The following TTC28 variants were observed in gnomAD, a reference collection of about 807,000 sequenced individuals.
TTC28 encodes tetratricopeptide repeat protein 28.
A neutral mutation model predicts 198.0 loss-of-function variants in TTC28; 61 were observed. The observed-to-expected ratio is 0.31, with a 90% CI of 0.25 to 0.38. The LOEUF (loss-of-function observed/expected upper bound fraction) is 0.38. Ranked by LOEUF, TTC28 falls within the 10% of genes least tolerant of loss-of-function variation. The pLI is 1.00. For missense variants in TTC28, 2,678 were observed against 3,164.0 expected (o/e 0.85, Z 3.69); for synonymous variants, 1,171 against 1,297.8 (o/e 0.90, Z 2.10).
chr22:28,485,232 T>C (rs1172739424), intron 2 of TTC28, among the ~76,000 whole-genome samples: 1 of 152,164 alleles, frequency 6.6e-6, no homozygotes, highest in Non-Finnish European at 1.5e-5. Context: ...ATCCTTCCAC[T>C]GTTAAATCAG....
intron 2 of TTC28, among the ~76,000 whole-genome samples, chr22:28,380,661 C>A (rs1207179972): frequency 6.6e-6 from 1 of 152,108 alleles, no homozygotes; most frequent in African/African-American, 2.4e-5. Flanking sequence ...CATTGACATG[C>A]AAATATTTCA....
At chr22:28,050,324 T>C (rs1412361205) in intron 12 of TTC28, among the ~76,000 whole-genome samples, 1 of 152,188 alleles carries the variant, frequency 6.6e-6, no homozygotes, top group Admixed American at 6.5e-5. Flanking sequence ...CAGAGGCATT[T>C]CCATTAGCAC....
At chr22:28,085,001 T>A (rs1468159764) in intron 12 of TTC28, among the ~76,000 whole-genome samples, 2 of 151,892 alleles carry the variant, frequency 1.3e-5, no homozygotes, top group Non-Finnish European at 2.9e-5. Flanking sequence ...CCAAGAAATA[T>A]GGGACTATGT....
intron 5 of TTC28, 60 bp from the exon 6 acceptor site, chr22:28,163,659 T>C (rs1921513942): frequency 4.8e-6 from 7 of 1,456,528 alleles, no homozygotes; most frequent in Non-Finnish European, 6.3e-6. Context: ...TTGGTATATT[T>C]TGGCAGATAA....
intron 2 of TTC28, among the ~76,000 whole-genome samples, chr22:28,448,164 T>C (rs1215168095): frequency 1.3e-5 from 2 of 152,208 alleles, no homozygotes; most frequent in Non-Finnish European, 2.9e-5. Flanking sequence ...CCCAGGTCTG[T>C]AGGTATTTTT....
chr22:28,241,819 A>C (rs1346775029), intron 5 of TTC28, among the ~76,000 whole-genome samples: 2 of 152,224 alleles, frequency 1.3e-5, no homozygotes, highest in Non-Finnish European at 2.9e-5. Flanking sequence ...CAATGTAACA[A>C]AGTGATAATG....
At chr22:28,556,649 C>G (rs1372559994) in intron 2 of TTC28, among the ~76,000 whole-genome samples, 1 of 152,210 alleles carries the variant, frequency 6.6e-6, no homozygotes, top group Non-Finnish European at 1.5e-5. Context: ...AAACAATAAA[C>G]ACCTATTATT....
intron 1 of TTC28, among the ~76,000 whole-genome samples, chr22:28,663,242 C>A (rs1289720203): frequency 6.9e-6 from 1 of 145,010 alleles, no homozygotes; most frequent in Non-Finnish European, 1.5e-5. Flanking sequence ...AGCGAAACTC[C>A]GTCTCAAAAA....
At chr22:28,426,144 C>T (rs1038166345) in intron 2 of TTC28, among the ~76,000 whole-genome samples, 5 of 147,912 alleles carry the variant, frequency 3.4e-5, no homozygotes, top group East Asian at 2.0e-4. Context: ...TCCAGGAGGC[C>T]GAAGTTGCAG....
intron 13 of TTC28, among the ~76,000 whole-genome samples, chr22:28,027,529 A>AAAGGGGCC (rs1938884521): frequency 2.0e-5 from 3 of 152,214 alleles, no homozygotes; most frequent in Admixed American, 1.3e-4. Flanking sequence ...ACCAAGGAAC[A>AAAGGGGCC]AAGGGGCCAA....
Position 28,002,851 on chromosome 22 carries a change from G to A in TTC28, c.4219-1298C>T, listed in dbSNP as rs139849319. Among the ~76,000 whole-genome samples the A allele has an allele frequency of 6.8e-3, 1,039 of 152,220 alleles. 8 individuals carry two copies. The highest frequency in any genetic ancestry group is 0.024 in the African/African-American group (989 of 41,506). On this transcript the variant is annotated intron_variant, in intron 14 of 22. Transcript: ENST00000397906. Reference sequence around the variant, plus strand: ...AAATCCAAAATAACCGGGTGTGGTGGCATGCACCTGTAGTCCCAACTACTC... The same window carrying A: ...AAATCCAAAATAACCGGGTGTGGTGACATGCACCTGTAGTCCCAACTACTC...
chr22:28,679,168 G>A (rs888422336), intron 1 of TTC28, among the ~76,000 whole-genome samples: 11 of 152,176 alleles, frequency 7.2e-5, no homozygotes, highest in Non-Finnish European at 5.9e-5. Context: ...TCGCCTCCGG[G>A]GACGAAGAGC....
chr22:28,029,957 C>T (rs2146629776), intron 13 of TTC28, among the ~76,000 whole-genome samples: 1 of 152,268 alleles, frequency 6.6e-6, no homozygotes, highest in East Asian at 1.9e-4. Flanking sequence ...TGTGAAGAAG[C>T]AGCCAACTAT....
At chr22:28,037,167 TG>T (rs962833179) in intron 12 of TTC28, among the ~76,000 whole-genome samples, 6 of 152,196 alleles carry the variant, frequency 3.9e-5, no homozygotes, top group Admixed American at 2.0e-4. Context: ...ACTCATTTTA[TG>T]AGGCCAGCAT....
chr22:28,142,870 AAAATTAGC>A (rs1943374706), intron 6 of TTC28, among the ~76,000 whole-genome samples: 4 of 152,212 alleles, frequency 2.6e-5, no homozygotes, highest in Non-Finnish European at 5.9e-5. Flanking sequence ...TCCCCAGAAT[AAAATTAGC>A]TTTTTGAAGA....
chr22:28,674,891 A>C lies in TTC28; in HGVS notation c.102+4731T>G, dbSNP rs566244347. Among the ~76,000 whole-genome samples, 3 of 152,196 alleles carry C rather than the reference A, an allele frequency of 2.0e-5. No individual in the cohort carries two copies. In the South Asian group the frequency reaches 6.2e-4, roughly 32 times the overall value. On this transcript the variant is annotated intron_variant, in intron 1 of 22. Coordinates refer to ENST00000397906, the MANE Select transcript of TTC28 (RefSeq NM_001145418.2). ...GCTGTCTTTTTTACAGAAATTGATA[A>C]GCTGATCCTAAAATCCATTTGGAAA...
intron 12 of TTC28, among the ~76,000 whole-genome samples, chr22:28,039,376 T>G (rs545387128): frequency 6.6e-6 from 1 of 152,222 alleles, no homozygotes. Flanking sequence ...TGTAGGGACA[T>G]GGATGAAGCT....
At chr22:28,539,163 T>A (rs2049358752) in intron 2 of TTC28, among the ~76,000 whole-genome samples, 1 of 152,142 alleles carries the variant, frequency 6.6e-6, no homozygotes, top group African/African-American at 2.4e-5. Context: ...AACATCAGAT[T>A]GTCCTAGTGG....
chr22:28,193,054 T>C (rs1015831469), intron 5 of TTC28, among the ~76,000 whole-genome samples: 1 of 152,228 alleles, frequency 6.6e-6, no homozygotes, highest in Admixed American at 6.5e-5. Context: ...GGTCGGGTTA[T>C]CCACAAAGGA....
Sources: allele counts gnomAD v4.1 joint callset (sites outside exome capture counted in the v4.1 genomes callset), GRCh38; gene constraint gnomAD v4.1.1; transcripts MANE v1.5; gene names NCBI Gene and HGNC (gene_info 2026-07-23, HGNC 2026-07-21).